Variants in PCDH11Y observed in about 807,000 individuals in gnomAD.
PCDH11Y encodes protocadherin 11 Y-linked.
For missense variants in PCDH11Y, 12 were observed against 224.8 expected (o/e 0.05, Z 6.05); for synonymous variants, 9 against 83.6 (o/e 0.11, Z 4.87).
intron 2 of PCDH11Y, among the ~76,000 whole-genome samples, chrY:5,452,250 CTCA>C (rs2053293837): frequency 3.0e-5 from 1 of 33,652 alleles, no homozygotes; most frequent in East Asian, 8.0e-4. Flanking sequence ...AAGACCTGTT[CTCA>C]TGTTTAAATC....
chrY:5,333,668 C>T, intron 2 of PCDH11Y, among the ~76,000 whole-genome samples: 11 of 32,671 alleles, frequency 3.4e-4, no homozygotes, highest in African/African-American at 1.2e-3. Flanking sequence ...TTTGGGAGGC[C>T]GAGGCGGGTG....
downstream of PCDH11Y, among the ~76,000 whole-genome samples, chrY:5,108,642 G>C (rs2052798900): frequency 3.5e-5 from 1 of 28,926 alleles, no homozygotes. Context: ...AGCTACTCGG[G>C]AGGCTGAGGC....
chrY:5,458,046 A>G (rs2124683483), intron 2 of PCDH11Y, among the ~76,000 whole-genome samples: 2 of 32,987 alleles, frequency 6.1e-5, no homozygotes, highest in African/African-American at 2.3e-4. Context: ...CTAGCCCTAA[A>G]TTAGATTTTA....
At chrY:5,119,827 A>G in intron 2 of PCDH11Y, among the ~76,000 whole-genome samples, 1 of 30,040 alleles carries the variant, frequency 3.3e-5, no homozygotes, top group Non-Finnish European at 8.0e-5. Flanking sequence ...CTATAAATAC[A>G]TTTTGTTCCA....
intron 2 of PCDH11Y, among the ~76,000 whole-genome samples, chrY:5,153,091 T>C: frequency 6.1e-5 from 2 of 32,579 alleles, no homozygotes; most frequent in African/African-American, 1.2e-4. Flanking sequence ...AGCAAAGCAG[T>C]AGCATTCTTA....
At chrY:5,072,776 G>T in intron 1 of PCDH11Y, among the ~76,000 whole-genome samples, 5 of 33,290 alleles carry the variant, frequency 1.5e-4, no homozygotes, top group Admixed American at 1.4e-3. Context: ...ACCAATATTA[G>T]ATGTAAGTTA....
At chrY:5,177,718 T>C (rs2052895164) in intron 2 of PCDH11Y, among the ~76,000 whole-genome samples, 5 of 32,137 alleles carry the variant, frequency 1.6e-4, no homozygotes, top group African/African-American at 6.1e-4. Context: ...GGGAAGGTAG[T>C]AGGGAGTATG....
chrY:5,155,511 C>T, intron 2 of PCDH11Y, among the ~76,000 whole-genome samples: 1 of 32,346 alleles, frequency 3.1e-5, no homozygotes, highest in Middle Eastern at 0.014. Context: ...TGTTGTTCCC[C>T]GCTCCATGTA....
At chrY:5,037,833 T>C in intron 3 of PCDH11Y, among the ~76,000 whole-genome samples, 1 of 32,659 alleles carries the variant, frequency 3.1e-5, no homozygotes, top group South Asian at 6.9e-4. Flanking sequence ...AACAAGACTA[T>C]ATGTTGTATA....
intron 4 of PCDH11Y, among the ~76,000 whole-genome samples, chrY:5,594,737 G>T: frequency 3.1e-5 from 1 of 31,914 alleles, no homozygotes; most frequent in African/African-American, 1.2e-4. Flanking sequence ...GTCAGGCTGG[G>T]CCTCTGGGAC....
At chrY:5,196,298 G>A (rs2052918633) in intron 2 of PCDH11Y, among the ~76,000 whole-genome samples, 1 of 33,145 alleles carries the variant, frequency 3.0e-5, no homozygotes, top group African/African-American at 1.2e-4. Context: ...AGCATTGAAA[G>A]CTTATGTAAA....
chrY:5,267,861 T>A, intron 2 of PCDH11Y, among the ~76,000 whole-genome samples: 1 of 34,382 alleles, frequency 2.9e-5, no homozygotes, highest in African/African-American at 1.1e-4. Context: ...TTAGCTTTAC[T>A]GTTTTCCCTG....
chrY:5,677,218 G>T, intron 4 of PCDH11Y, among the ~76,000 whole-genome samples: 1 of 33,055 alleles, frequency 3.0e-5, no homozygotes, highest in African/African-American at 1.2e-4. Context: ...ATCTGATCTT[G>T]TGAGAACTCA....
At chrY:5,176,536 C>T in intron 2 of PCDH11Y, among the ~76,000 whole-genome samples, 1 of 33,280 alleles carries the variant, frequency 3.0e-5, no homozygotes, top group Non-Finnish European at 7.4e-5. Flanking sequence ...TTGCTCTGTC[C>T]GGAGCCCTGG....
intron 4 of PCDH11Y, among the ~76,000 whole-genome samples, chrY:5,676,803 T>G (rs2053554100): frequency 3.1e-5 from 1 of 32,197 alleles, no homozygotes; most frequent in Non-Finnish European, 7.5e-5. Context: ...TGGGAAGTTC[T>G]AAACTTTCCC....
At chrY:5,513,797 C>T in intron 3 of PCDH11Y, among the ~76,000 whole-genome samples, 1 of 32,863 alleles carries the variant, frequency 3.0e-5, no homozygotes, top group Non-Finnish European at 7.5e-5. Context: ...GTTGTGTATG[C>T]AATTGAGTCA....
chrY:5,707,227 A>G, intron 4 of PCDH11Y, among the ~76,000 whole-genome samples: 1 of 19,201 alleles, frequency 5.2e-5, no homozygotes, highest in Non-Finnish European at 1.2e-4. Flanking sequence ...TTCTTGAAAA[A>G]TAGTTTTTAA....
At chrY:5,313,211 T>G in intron 2 of PCDH11Y, among the ~76,000 whole-genome samples, 2 of 33,068 alleles carry the variant, frequency 6.0e-5, no homozygotes, top group African/African-American at 1.2e-4. Context: ...AAAACACTTC[T>G]GATTTATCAG....
intron 2 of PCDH11Y, among the ~76,000 whole-genome samples, chrY:5,420,887 GTAA>G (rs2053256992): frequency 3.5e-5 from 1 of 28,439 alleles, no homozygotes; most frequent in Non-Finnish European, 8.1e-5. Context: ...GATTGAATCA[GTAA>G]TAATAATAAT....
Sources: allele counts gnomAD v4.1 joint callset (sites outside exome capture counted in the v4.1 genomes callset), GRCh38; gene constraint gnomAD v4.1.1; transcripts MANE v1.5; gene names NCBI Gene and HGNC (gene_info 2026-07-23, HGNC 2026-07-21).